ZFYVE9: variants seen among roughly 807,000 people sequenced by gnomAD.
The protein encoded by ZFYVE9 is zinc finger FYVE-type containing 9.
ZFYVE9 carries 43 observed loss-of-function variants against 126.7 expected under a neutral mutation model. The ratio of observed to expected loss-of-function variants is 0.34; its 90% CI spans 0.27 to 0.44. ZFYVE9 has a LOEUF of 0.44. Among genes scored for constraint, ZFYVE9 ranks in the 20% least tolerant of loss-of-function variants. The probability of loss-of-function intolerance (pLI) is 1.00; values close to 1 mark genes in which losing one functional copy is unlikely to be tolerated. For missense variants in ZFYVE9, 1,476 were observed against 1,697.0 expected (o/e 0.87, Z 2.29); for synonymous variants, 521 against 597.4 (o/e 0.87, Z 1.87).
chr1:52,274,256 AACTT>A (rs1461140222), intron 7 of ZFYVE9, among the ~76,000 whole-genome samples: 1 of 152,204 alleles, frequency 6.6e-6, no homozygotes, highest in Non-Finnish European at 1.5e-5. Flanking sequence ...CAAAAGGAGA[AACTT>A]ACACATTTGA....
intron 1 of ZFYVE9, among the ~76,000 whole-genome samples, chr1:52,188,199 C>T (rs1047278116): frequency 2.8e-5 from 4 of 144,328 alleles, no homozygotes; most frequent in African/African-American, 7.8e-5. Context: ...AGCTGGAGGC[C>T]GTTGTACTTA....
chr1:52,339,148 G>A (rs1324275579), intron 16 of ZFYVE9, among the ~76,000 whole-genome samples: 17 of 152,184 alleles, frequency 1.1e-4, no homozygotes, highest in Non-Finnish European at 7.3e-5. Context: ...TGTATTTCAG[G>A]GAGGAAATGA....
intron 4 of ZFYVE9, among the ~76,000 whole-genome samples, chr1:52,258,655 A>G (rs1353477842): frequency 4.6e-5 from 7 of 152,162 alleles, no homozygotes; most frequent in Non-Finnish European, 8.8e-5. Context: ...ACCTGGCTCA[A>G]ATCTCTTAGA....
intron 3 of ZFYVE9, among the ~76,000 whole-genome samples, chr1:52,236,032 C>CT (rs1227938588): frequency 1.3e-5 from 2 of 152,048 alleles, no homozygotes; most frequent in African/African-American, 4.8e-5. Flanking sequence ...AGTTGTTTTG[C>CT]TTATAATTGC....
At chr1:52,334,983 C>T in intron 15 of ZFYVE9, 1 of 395,288 alleles carries the variant, frequency 2.5e-6, no homozygotes. Flanking sequence ...TAGGAGATGG[C>T]CTTTCAGAGC....
intron 16 of ZFYVE9, 136 bp from the exon 17 acceptor site, chr1:52,339,990 A>C: frequency 3.0e-6 from 2 of 669,788 alleles, no homozygotes; most frequent in Non-Finnish European, 5.3e-6. Context: ...GCTTCTTGCT[A>C]TGATGTGCTG....
In ZFYVE9 at chr1:52,263,892, G is replaced by A. The variant is rs755978739; in HGVS notation, c.2278+20G>A. 5 of 1,497,690 alleles carry A rather than the reference G, an allele frequency of 3.3e-6. No homozygotes were observed. The highest frequency in any genetic ancestry group is 4.6e-6 in the Non-Finnish European group (5 of 1,095,568). 92.8% of individuals were successfully genotyped at this position (1,497,690 alleles called of 1,614,324 possible). A position where few individuals can be genotyped will look rare whatever the true frequency, so the allele number is the denominator to read the frequency against. On this transcript the variant is annotated intron_variant, in intron 5 of 18. Transcript: ENST00000287727. ...TGAATGGTAAGTATTAAAACAGGTT[G>A]ATTTCATAGTTATTGAGACAAAACA...
At chr1:52,339,309 A>G (rs188689947) in intron 16 of ZFYVE9, among the ~76,000 whole-genome samples, 75 of 149,866 alleles carry the variant, frequency 5.0e-4, no homozygotes, top group African/African-American at 1.5e-3. Context: ...TTTTTTGGAG[A>G]CAGAGTCTTG....
At chr1:52,172,754 T>C in intron 1 of ZFYVE9, among the ~76,000 whole-genome samples, 1 of 150,822 alleles carries the variant, frequency 6.6e-6, no homozygotes, top group African/African-American at 2.4e-5. Context: ...TTTTATTCTC[T>C]TTGAAGCAAT....
intron 16 of ZFYVE9, among the ~76,000 whole-genome samples, chr1:52,339,905 T>A (rs549625838): frequency 6.6e-6 from 1 of 152,356 alleles, no homozygotes; most frequent in East Asian, 1.9e-4. Flanking sequence ...TTTTTGCATG[T>A]GTGTTCTTTG....
rs71579908 is a variant in ZFYVE9, at chr1:52,157,394, C to CTTTTTTT, written c.-143+15009_-143+15015dup. 2.2e-3 allele frequency among the ~76,000 whole-genome samples: 131 copies of CTTTTTTT among 58,466 alleles called. 9 individuals are homozygous for CTTTTTTT. The highest frequency in any genetic ancestry group is 3.3e-3 in the African/African-American group (44 of 13,406). The allele number at this position is 58,466 out of a possible 152,430, so 38.4% of individuals were successfully genotyped here. ...TTTTTTCCTTATGGCACCATATTCT[C>CTTTTTTT]TTTTTTTTTTTTTTTTTTTTTTTTG... On this transcript the variant is annotated intron_variant, in intron 1 of 18. Transcript: ENST00000287727.
intron 10 of ZFYVE9, among the ~76,000 whole-genome samples, chr1:52,292,617 G>GCA (rs1645933429): frequency 6.6e-6 from 1 of 151,470 alleles, no homozygotes; most frequent in African/African-American, 2.4e-5. Flanking sequence ...GATTACAGGC[G>GCA]CACACCACTA....
intron 3 of ZFYVE9, among the ~76,000 whole-genome samples, chr1:52,234,829 G>A (rs1054356796): frequency 6.6e-6 from 1 of 152,166 alleles, no homozygotes; most frequent in African/African-American, 2.4e-5. Flanking sequence ...TCAACTGTTT[G>A]TATAAGTATT....
chr1:52,273,865 T>C (rs1228615246), intron 7 of ZFYVE9, among the ~76,000 whole-genome samples: 2 of 150,196 alleles, frequency 1.3e-5, no homozygotes, highest in African/African-American at 4.9e-5. Context: ...TTTTATTACA[T>C]AGTAAATGAA....
chr1:52,160,142 C>T (rs1042891450), intron 1 of ZFYVE9: 3 of 617,152 alleles, frequency 4.9e-6, no homozygotes, highest in Non-Finnish European at 8.8e-6. Context: ...ACACATAACA[C>T]TATTCTCTGG....
intron 13 of ZFYVE9, among the ~76,000 whole-genome samples, chr1:52,323,365 T>C (rs1329846631): frequency 6.6e-6 from 1 of 152,248 alleles, no homozygotes; most frequent in African/African-American, 2.4e-5. Context: ...GTAGCACTTG[T>C]CATTGTATAA....
At chr1:52,305,471 C>T (rs758523911) in intron 13 of ZFYVE9, among the ~76,000 whole-genome samples, 3 of 152,160 alleles carry the variant, frequency 2.0e-5, no homozygotes, top group Non-Finnish European at 4.4e-5. Context: ...GCTTTCGGAG[C>T]GTTTGCTGTC....
intron 13 of ZFYVE9, among the ~76,000 whole-genome samples, chr1:52,330,469 G>A (rs576786442): frequency 6.6e-6 from 1 of 152,134 alleles, no homozygotes; most frequent in South Asian, 2.1e-4. Context: ...GCTAAACAAA[G>A]GGTTTTCTGG....
rs1278095284 is a variant in ZFYVE9 at position 52,170,203 on chromosome 1, T to C, written c.-143+27800T>C. On this transcript the variant is annotated intron_variant, in intron 1 of 18. Transcript: ENST00000287727. ...TACTAATATTTGTAAATCCATTGCA[T>C]CATTTATTCATTTGACGATACTTAT... Among the ~76,000 whole-genome samples, 9 of 152,318 alleles carry C rather than the reference T, an allele frequency of 5.9e-5. No homozygotes were observed. The East Asian group carries it at 1.7e-3, about 29-fold the overall frequency.
Sources: allele counts gnomAD v4.1 joint callset (sites outside exome capture counted in the v4.1 genomes callset), GRCh38; gene constraint gnomAD v4.1.1; transcripts MANE v1.5; gene names NCBI Gene and HGNC (gene_info 2026-07-23, HGNC 2026-07-21).